The following EHBP1 variants were observed in gnomAD, a reference collection of about 807,000 sequenced individuals.
The protein encoded by EHBP1 is EH domain binding protein 1.
A neutral mutation model predicts 144.0 loss-of-function variants in EHBP1; 55 were observed. The observed-to-expected ratio is 0.38, with a 90% CI of 0.31 to 0.48. The LOEUF is 0.48. Among genes scored for constraint, EHBP1 ranks in the 20% least tolerant of loss-of-function variants. The pLI is 0.98. For missense variants in EHBP1, 1,200 were observed against 1,364.2 expected (o/e 0.88, Z 1.90); for synonymous variants, 469 against 472.7 (o/e 0.99, Z 0.10).
At chr2:62,915,603 A>T (rs894400026) in intron 10 of EHBP1, among the ~76,000 whole-genome samples, 14 of 152,190 alleles carry the variant, frequency 9.2e-5, no homozygotes, top group South Asian at 2.1e-4. Context: ...TCTTTCCTAG[A>T]TACTTTATAG....
intron 3 of EHBP1, among the ~76,000 whole-genome samples, chr2:62,760,648 C>T (rs2040694613): frequency 6.6e-6 from 1 of 152,162 alleles, no homozygotes; most frequent in African/African-American, 2.4e-5. Context: ...CCCTGCTTTT[C>T]CCACTTTTGA....
chr2:62,886,097 C>T (rs1265129384), intron 10 of EHBP1, among the ~76,000 whole-genome samples: 1 of 152,120 alleles, frequency 6.6e-6, no homozygotes, highest in East Asian at 1.9e-4. Flanking sequence ...AAATTCAAAC[C>T]ACAAAGCAAG....
intron 15 of EHBP1, among the ~76,000 whole-genome samples, chr2:62,989,055 G>A (rs995054569): frequency 6.6e-6 from 1 of 151,990 alleles, no homozygotes; most frequent in Non-Finnish European, 1.5e-5. Flanking sequence ...TTATACTATT[G>A]CTAAATAGAA....
intron 3 of EHBP1, among the ~76,000 whole-genome samples, chr2:62,760,901 A>G (rs2040717817): frequency 6.6e-6 from 1 of 152,122 alleles, no homozygotes. Context: ...TCTGATGGGT[A>G]TTTTTCATTG....
intron 2 of EHBP1, among the ~76,000 whole-genome samples, chr2:62,715,854 A>G (rs759080086): frequency 1.1e-4 from 17 of 152,174 alleles, no homozygotes; most frequent in East Asian, 1.9e-4. Context: ...AACGTTTTCT[A>G]TCTTATTCAG....
intron 3 of EHBP1, among the ~76,000 whole-genome samples, chr2:62,763,392 G>GTGAA (rs1451510076): frequency 3.3e-5 from 5 of 152,086 alleles, no homozygotes; most frequent in African/African-American, 1.2e-4. Flanking sequence ...AAGCAAATGA[G>GTGAA]TGAATGAATG....
upstream of EHBP1, among the ~76,000 whole-genome samples, chr2:62,702,344 T>C (rs1253198640): frequency 6.6e-6 from 1 of 152,212 alleles, no homozygotes; most frequent in Admixed American, 6.5e-5. Flanking sequence ...ATAATTAATG[T>C]AACTTGCATT....
chr2:62,844,146 A>C (rs1053732777), intron 7 of EHBP1, among the ~76,000 whole-genome samples: 3 of 152,182 alleles, frequency 2.0e-5, no homozygotes, highest in Admixed American at 2.0e-4. Flanking sequence ...TTATTCATGT[A>C]GTGAGTAATT....
At chr2:62,743,190 C>T (rs756163900) in intron 2 of EHBP1, among the ~76,000 whole-genome samples, 1 of 151,934 alleles carries the variant, frequency 6.6e-6, no homozygotes, top group East Asian at 1.9e-4. Flanking sequence ...ATTTTTAATG[C>T]CTGTGTGATT....
At chr2:62,712,144 G>A (rs1389227377) in intron 2 of EHBP1, among the ~76,000 whole-genome samples, 1 of 152,182 alleles carries the variant, frequency 6.6e-6, no homozygotes, top group Non-Finnish European at 1.5e-5. Flanking sequence ...GTCTTTGAGT[G>A]AGAGAAAGAG....
intron 21 of EHBP1, chr2:63,044,371 A>G (rs527687318): frequency 6.6e-6 from 1 of 152,064 alleles, no homozygotes; most frequent in East Asian, 1.9e-4. Context: ...TTCCTTTGCA[A>G]AAGTGCTTTG....
upstream of EHBP1, among the ~76,000 whole-genome samples, chr2:62,702,909 A>T (rs1167629891): frequency 2.0e-5 from 3 of 152,264 alleles, no homozygotes; most frequent in African/African-American, 7.2e-5. Context: ...TTACAGGATC[A>T]TGCTTTAAGA....
At chr2:62,674,169 G>A (rs938143188) in intron 1 of EHBP1, 6 of 470,644 alleles carry the variant, frequency 1.3e-5, no homozygotes, top group Middle Eastern at 3.2e-4. Flanking sequence ...ACTAGCAAAT[G>A]GTCCTTGATA....
chr2:62,741,720 C>T (rs757083868), intron 2 of EHBP1, among the ~76,000 whole-genome samples: 7 of 152,078 alleles, frequency 4.6e-5, no homozygotes, highest in Admixed American at 1.3e-4. Flanking sequence ...AGTCTGCCCT[C>T]CTTATCCGCA....
chr2:62,850,350 A>G (rs1050554209), intron 7 of EHBP1, among the ~76,000 whole-genome samples: 2 of 151,980 alleles, frequency 1.3e-5, no homozygotes, highest in African/African-American at 4.8e-5. Context: ...AAAGCCACCT[A>G]CTCGTCACTT....
rs746999473 is a variant in EHBP1 at position 62,943,844 on chromosome 2, C to T, written c.1407C>T (p.Asn469=). 21 of 1,602,122 alleles carry T rather than the reference C, an allele frequency of 1.3e-5. No homozygotes were observed. The highest frequency in any genetic ancestry group is 1.0e-4 in the Admixed American group (6 of 58,826). The change falls in exon 12 of 23, where the codon AAC becomes AAT. Residue 469 remains asparagine, a synonymous_variant. Transcript: ENST00000431489. Reference sequence around the variant, plus strand: ...ATCCTCAAGATATTAAAGAGAACAACAAAAAGGTAAGAATTGATGAGCAAG... The same window carrying T: ...ATCCTCAAGATATTAAAGAGAACAATAAAAAGGTAAGAATTGATGAGCAAG... ...SLNPQDIKEN[N]KKAYDGFASI...
At chr2:63,026,778 T>C (rs2061001723) in intron 19 of EHBP1, among the ~76,000 whole-genome samples, 1 of 152,184 alleles carries the variant, frequency 6.6e-6, no homozygotes. Flanking sequence ...AAGGATCTTA[T>C]GGACATGTTT....
chr2:63,037,786 C>G lies in EHBP1; in HGVS notation c.3203+152C>G, dbSNP rs1212666219. ...TAAAAAAATAAAAAATAGTATATGA[C>G]AGTTTTCATCTTATAAGAATTTTTA... On this transcript the variant is annotated intron_variant, in intron 20 of 22. Coordinates refer to ENST00000431489, the MANE Select transcript of EHBP1 (RefSeq NM_001142616.3). The G allele has an allele frequency of 6.0e-6, 3 of 502,012 alleles. No homozygotes were observed. The East Asian group carries it at 1.0e-4, about 17-fold the overall frequency. The allele number at this position is 502,012 out of a possible 1,614,324, so 31.1% of individuals were successfully genotyped here. A position where few individuals can be genotyped will look rare whatever the true frequency, so the allele number is the denominator to read the frequency against.
At chr2:62,721,452 T>G (rs2036216618) in intron 2 of EHBP1, among the ~76,000 whole-genome samples, 1 of 152,204 alleles carries the variant, frequency 6.6e-6, no homozygotes, top group Non-Finnish European at 1.5e-5. Flanking sequence ...AGAAACCAGT[T>G]TCTAAATCTA....
Sources: gnomAD v4.1 joint callset for allele counts (sites outside exome capture counted in the v4.1 genomes callset) on GRCh38, gnomAD v4.1.1 for gene constraint, MANE v1.5 for transcripts, NCBI Gene and HGNC (gene_info 2026-07-23, HGNC 2026-07-21) for gene names.